ULK4: variants seen among roughly 807,000 people sequenced by gnomAD.
The protein encoded by ULK4 is unc-51 like kinase 4.
A neutral mutation model predicts 160.6 loss-of-function variants in ULK4; 133 were observed. The ratio of observed to expected loss-of-function variants is 0.83; its 90% CI spans 0.72 to 0.96. ULK4 has a LOEUF of 0.96. Among genes scored for constraint, ULK4 ranks in the 40% least tolerant of loss-of-function variants. The pLI, the probability that ULK4 is intolerant of heterozygous loss-of-function variation, is 0.00. For synonymous variants in ULK4, 534 were observed against 539.8 expected (o/e 0.99, Z 0.15); for missense variants, 1,580 against 1,499.5 (o/e 1.05, Z -0.89).
At chr3:41,800,326 G>T (rs756087056) in intron 19 of ULK4, 33 bp from the exon 20 acceptor site, 4 of 1,557,288 alleles carry the variant, frequency 2.6e-6, no homozygotes, top group South Asian at 1.2e-5. Context: ...TAATATTAGT[G>T]TGAGAAATAA....
chr3:41,641,141 A>G (rs1348775703), intron 30 of ULK4, among the ~76,000 whole-genome samples: 2 of 152,160 alleles, frequency 1.3e-5, no homozygotes, highest in African/African-American at 2.4e-5. Flanking sequence ...GTTGCCTGAG[A>G]GGAGACAGGC....
intron 19 of ULK4, among the ~76,000 whole-genome samples, chr3:41,803,460 T>C (rs896878178): frequency 5.3e-5 from 8 of 152,282 alleles, no homozygotes; most frequent in Non-Finnish European, 8.8e-5. Flanking sequence ...AAAGAACACG[T>C]TGCAGTAGGC....
intron 19 of ULK4, among the ~76,000 whole-genome samples, chr3:41,810,340 T>G (rs1025960793): frequency 6.6e-6 from 1 of 152,258 alleles, no homozygotes; most frequent in African/African-American, 2.4e-5. Flanking sequence ...TTATTGTTAC[T>G]ATATAGACAG....
chr3:41,780,957 C>T (rs929344159), intron 21 of ULK4, among the ~76,000 whole-genome samples: 3 of 151,488 alleles, frequency 2.0e-5, no homozygotes, highest in African/African-American at 7.3e-5. Flanking sequence ...TAACCCTTTA[C>T]CTATAGATAA....
At chr3:41,904,166 C>T (rs1297131118) in intron 12 of ULK4, among the ~76,000 whole-genome samples, 2 of 152,088 alleles carry the variant, frequency 1.3e-5, no homozygotes, top group Non-Finnish European at 2.9e-5. Flanking sequence ...AGCACAGTGG[C>T]TCACACCTGT....
At chr3:41,559,884 T>C (rs1427513382) in intron 32 of ULK4, among the ~76,000 whole-genome samples, 1 of 152,246 alleles carries the variant, frequency 6.6e-6, no homozygotes, top group East Asian at 1.9e-4. Context: ...AGATCACATC[T>C]GTCTATTCTG....
chr3:41,515,060 C>A (rs1257958820), intron 32 of ULK4, among the ~76,000 whole-genome samples: 1 of 151,806 alleles, frequency 6.6e-6, no homozygotes, highest in African/African-American at 2.4e-5. Context: ...TTTTTGTCAC[C>A]AGCCTGGCCA....
At chr3:41,668,990 T>A (rs2035442190) in intron 29 of ULK4, among the ~76,000 whole-genome samples, 1 of 152,130 alleles carries the variant, frequency 6.6e-6, no homozygotes, top group Non-Finnish European at 1.5e-5. Flanking sequence ...GTTAATATTC[T>A]TACTATATAA....
chr3:41,807,754 A>T (rs1345041863), intron 19 of ULK4, among the ~76,000 whole-genome samples: 2 of 152,162 alleles, frequency 1.3e-5, no homozygotes, highest in African/African-American at 4.8e-5. Context: ...CCCAAACTTC[A>T]ACACATTTTT....
chr3:41,527,600 C>A (rs914347951), intron 32 of ULK4, among the ~76,000 whole-genome samples: 1 of 152,214 alleles, frequency 6.6e-6, no homozygotes, highest in African/African-American at 2.4e-5. Context: ...GGTATCACCA[C>A]AATGTAATGT....
At chr3:41,791,717 A>G (rs1236676503) in intron 20 of ULK4, among the ~76,000 whole-genome samples, 1 of 152,200 alleles carries the variant, frequency 6.6e-6, no homozygotes, top group Non-Finnish European at 1.5e-5. Flanking sequence ...ATAAACATTT[A>G]TGGGAGATTT....
At chr3:41,346,971 A>C (rs900171800) in intron 35 of ULK4, among the ~76,000 whole-genome samples, 2 of 152,178 alleles carry the variant, frequency 1.3e-5, no homozygotes, top group Non-Finnish European at 2.9e-5. Flanking sequence ...ATAATCTACA[A>C]TACATGGAGT....
At chr3:41,795,761 A>C (rs1413247336) in intron 20 of ULK4, among the ~76,000 whole-genome samples, 2 of 152,224 alleles carry the variant, frequency 1.3e-5, no homozygotes, top group Non-Finnish European at 2.9e-5. Flanking sequence ...TTTTGTGTGG[A>C]GAATCAAGTT....
At chr3:41,938,299 G>T (rs1699844517) in intron 2 of ULK4, 102 bp from the exon 3 acceptor site, 1 of 831,706 alleles carries the variant, frequency 1.2e-6, no homozygotes, top group Non-Finnish European at 1.8e-6. Context: ...TAAGAAAATG[G>T]TGACATTTAT....
chr3:41,396,158 C>G (rs913314752), intron 35 of ULK4, among the ~76,000 whole-genome samples: 1 of 152,000 alleles, frequency 6.6e-6, no homozygotes, highest in Non-Finnish European at 1.5e-5. Flanking sequence ...TAGCAAAATC[C>G]TGAACTCACA....
At chr3:41,817,996 C>T (rs2041024649) in intron 19 of ULK4, among the ~76,000 whole-genome samples, 1 of 151,110 alleles carries the variant, frequency 6.6e-6, no homozygotes, top group Non-Finnish European at 1.5e-5. Context: ...ATTAAAATGG[C>T]GATTATCAAA....
chr3:41,557,098 T>C (rs575865872), intron 32 of ULK4, among the ~76,000 whole-genome samples: 18 of 152,156 alleles, frequency 1.2e-4, no homozygotes, highest in Non-Finnish European at 1.8e-4. Flanking sequence ...ATATAATTCA[T>C]TATATAAATA....
chr3:41,515,397 AAAC>A, intron 32 of ULK4, among the ~76,000 whole-genome samples: 1 of 152,346 alleles, frequency 6.6e-6, no homozygotes, highest in East Asian at 1.9e-4. Flanking sequence ...ACACTGATAA[AAAC>A]AACAATGTGG....
chr3:41,663,089 C>A (rs571440647), intron 30 of ULK4, among the ~76,000 whole-genome samples: 1 of 151,554 alleles, frequency 6.6e-6, no homozygotes, highest in African/African-American at 2.4e-5. Context: ...GGCATGGCGG[C>A]GGGCACCTGT....
Sources: gnomAD v4.1 joint callset for allele counts (sites outside exome capture counted in the v4.1 genomes callset) on GRCh38, gnomAD v4.1.1 for gene constraint, MANE v1.5 for transcripts, NCBI Gene and HGNC (gene_info 2026-07-23, HGNC 2026-07-21) for gene names.